Variants in OR2B11 observed in about 807,000 individuals in gnomAD.
OR2B11 encodes olfactory receptor family 2 subfamily B member 11, also known as olfactory receptor 2B11.
For synonymous variants in OR2B11, 198 were observed against 174.5 expected (o/e 1.13, Z -1.06); for missense variants, 422 against 400.0 (o/e 1.05, Z -0.47).
intron 1 of OR2B11, among the ~76,000 whole-genome samples, chr1:247,457,077 A>G (rs1467685637): frequency 6.6e-6 from 1 of 152,104 alleles, no homozygotes; most frequent in Non-Finnish European, 1.5e-5. Flanking sequence ...TATGGGAGGG[A>G]GGATACGGCT....
rs1321548229 is a variant in OR2B11 at position 247,453,856 on chromosome 1, G to C, written c.-1874C>G. ...TGTTTTCACCCCTAATTGACTGAGCGACTCGGGAGGACAGCTGGTCTACCT... is the reference window on the plus strand; with the variant it reads ...TGTTTTCACCCCTAATTGACTGAGCCACTCGGGAGGACAGCTGGTCTACCT... On this transcript the variant is annotated 5_prime_UTR_variant, in exon 2 of 2. Coordinates refer to ENST00000641149, the MANE Select transcript of OR2B11 (RefSeq NM_001004492.2). 1 of 152,178 alleles carries C rather than the reference G, an allele frequency of 6.6e-6. No homozygotes were observed. Among genetic ancestry groups the C allele is most frequent in the Non-Finnish European group, 1.5e-5 (1 of 68,042 alleles). The allele number at this position is 152,178 out of a possible 1,614,324, so 9.4% of individuals were successfully genotyped here.
Position 247,453,734 on chromosome 1 carries a change from G to T in OR2B11, c.-1752C>A, listed in dbSNP as rs4353135. On this transcript the variant is annotated 5_prime_UTR_variant, in exon 2 of 2. Transcript: ENST00000641149. ...AAGAAAGATAGAGGGGTAAATGTAT[G>T]CGGCAATTTATAATAAAGACAAGTT... The T allele has an allele frequency of 0.7, 107,060 of 152,108 alleles. 37,764 individuals are homozygous for T. The highest frequency in any genetic ancestry group is 0.78 in the African/African-American group (32,228 of 41,512). 9.4% of individuals were successfully genotyped at this position (152,108 alleles called of 1,614,324 possible).
Position 247,449,649 on chromosome 1 carries a change from G to T in OR2B11, c.*1380C>A, listed in dbSNP as rs1400057489. Reference sequence around the variant, plus strand: ...ACATTATTAAACATACCTTTTAGATGAGCTGACATTTAAAAAAAACCCTGA... The same window carrying T: ...ACATTATTAAACATACCTTTTAGATTAGCTGACATTTAAAAAAAACCCTGA... On this transcript the variant is annotated 3_prime_UTR_variant, in exon 2 of 2. Coordinates refer to ENST00000641149, the MANE Select transcript of OR2B11 (RefSeq NM_001004492.2). The T allele has an allele frequency of 6.6e-6, 1 of 152,092 alleles. No individual in the cohort carries two copies. Among genetic ancestry groups the T allele is most frequent in the East Asian group, 1.9e-4 (1 of 5,184 alleles). 9.4% of individuals were successfully genotyped at this position (152,092 alleles called of 1,614,324 possible). A position where few individuals can be genotyped will look rare whatever the true frequency, so the allele number is the denominator to read the frequency against.
At position 247,451,799 on chromosome 1, in the gene OR2B11, G is replaced by T. The variant is rs958702514; in HGVS notation, c.184C>A (p.Pro62Thr). Reference sequence around the variant, plus strand: ...AGGTGACTGAGGAAGATGTACATGGGGCTGTGGAGTTGAGGATCCACCCGG... The same window carrying T: ...AGGTGACTGAGGAAGATGTACATGGTGCTGTGGAGTTGAGGATCCACCCGG... ...ASRVDPQLHS[P>T]MYIFLSHLSF... Residue 62 changes from proline to threonine, a missense_variant, in exon 2 of 2, where the codon CCC (proline) becomes ACC (threonine). Transcript: ENST00000641149. 2 of 1,614,070 alleles carry T rather than the reference G, an allele frequency of 1.2e-6. No individual in the cohort carries two copies. The highest frequency in any genetic ancestry group is 2.7e-5 in the African/African-American group (2 of 74,924).
In OR2B11 at chr1:247,457,734, T is replaced by G. The variant is rs1664991547; in HGVS notation, c.-3178A>C. 6.6e-6 allele frequency: 1 copy of G among 152,200 alleles called. No individual in the cohort carries two copies. The highest frequency in any genetic ancestry group is 1.5e-5 in the Non-Finnish European group (1 of 68,040). The allele number at this position is 152,200 out of a possible 1,614,324, so 9.4% of individuals were successfully genotyped here. ...TTAGTCGCGGAGGGACATTTAAGGA[T>G]GGACTTACTAGAAATGCTCTTCATA... On this transcript the variant is annotated 5_prime_UTR_variant, in exon 1 of 2. Coordinates refer to ENST00000641149, the MANE Select transcript of OR2B11 (RefSeq NM_001004492.2).
rs1416021682 is a variant in OR2B11 at position 247,449,447 on chromosome 1, A to G, written c.*1582T>C. 6.6e-6 allele frequency: 1 copy of G among 152,234 alleles called. No individual in the cohort carries two copies. The highest frequency in any genetic ancestry group is 3.2e-3 in the Middle Eastern group (1 of 316). The allele number at this position is 152,234 out of a possible 1,614,324, so 9.4% of individuals were successfully genotyped here. A position where few individuals can be genotyped will look rare whatever the true frequency, so the allele number is the denominator to read the frequency against. On this transcript the variant is annotated 3_prime_UTR_variant, in exon 2 of 2. Coordinates refer to ENST00000641149, the MANE Select transcript of OR2B11 (RefSeq NM_001004492.2). ...CTTCACAGAGCATTAAGTTATAAGGAAATATTTACTAATTGCTTCTCTACA... is the reference window on the plus strand; with the variant it reads ...CTTCACAGAGCATTAAGTTATAAGGGAATATTTACTAATTGCTTCTCTACA...
chr1:247,456,241 A>C (rs578082801), intron 1 of OR2B11, among the ~76,000 whole-genome samples: 8 of 152,352 alleles, frequency 5.3e-5, no homozygotes, highest in African/African-American at 9.6e-5. Flanking sequence ...TTACTTCCTC[A>C]TAAGCCTCTG....
At position 247,453,383 on chromosome 1, in the gene OR2B11, A is replaced by G. The variant is rs1402875010; in HGVS notation, c.-1401T>C. 6.6e-6 allele frequency: 1 copy of G among 152,174 alleles called. No homozygotes were observed. The highest frequency in any genetic ancestry group is 1.9e-4 in the East Asian group (1 of 5,196). The allele number at this position is 152,174 out of a possible 1,614,324, so 9.4% of individuals were successfully genotyped here. On this transcript the variant is annotated 5_prime_UTR_variant, in exon 2 of 2. Transcript: ENST00000641149. ...TGCTTCTCTAGTTTCAAAACCACAC[A>G]CGTTTTGTCAGAAAGTTGCCAATAT...
At chr1:247,456,760 A>G (rs780827391) in intron 1 of OR2B11, among the ~76,000 whole-genome samples, 6 of 151,858 alleles carry the variant, frequency 4.0e-5, no homozygotes, top group Non-Finnish European at 8.8e-5. Context: ...TCCCTCCCCT[A>G]GCCCCCACTC....
chr1:247,451,561 T>C lies in OR2B11; in HGVS notation c.422A>G (p.His141Arg), dbSNP rs758659537. The part of the protein sequence containing the change: ...CKPLHYAVLM[H>R]RALCQQLVAL... The stretch of plus-strand genomic sequence containing the variant: ...CACGAGCTGCTGACAGAGAGCACGG[T>C]GCATGAGAACGGCATAGTGCAGGGG... Residue 141 changes from histidine (H) to arginine (R), a missense_variant, in exon 2 of 2, where the codon CAC (histidine) becomes CGC (arginine). His to Arg is a conservative substitution (Grantham distance 29, BLOSUM62 0). Coordinates refer to ENST00000641149, the MANE Select transcript of OR2B11 (RefSeq NM_001004492.2). 7 of 1,613,872 alleles carry C rather than the reference T, an allele frequency of 4.3e-6. No homozygotes were observed. Among genetic ancestry groups the C allele is most frequent in the Non-Finnish European group, 5.9e-6 (7 of 1,179,922 alleles).
At chr1:247,456,175 T>A (rs1269902241) in intron 1 of OR2B11, among the ~76,000 whole-genome samples, 1 of 152,148 alleles carries the variant, frequency 6.6e-6, no homozygotes, top group African/African-American at 2.4e-5. Flanking sequence ...GACTGGGGTA[T>A]GAGTCCACAG....
Position 247,450,943 on chromosome 1 carries a change from A to T in OR2B11, c.*86T>A, listed in dbSNP as rs1004116844. ...GGGTTTTTGAGCTCTCTGGGTATTAACTCCTTAAGTGAAAGATGCTCTGAG... is the reference window on the plus strand; with the variant it reads ...GGGTTTTTGAGCTCTCTGGGTATTATCTCCTTAAGTGAAAGATGCTCTGAG... On this transcript the variant is annotated 3_prime_UTR_variant, in exon 2 of 2. Coordinates refer to ENST00000641149, the MANE Select transcript of OR2B11 (RefSeq NM_001004492.2). The T allele has an allele frequency of 1.3e-6, 1 of 766,868 alleles. No individual in the cohort carries two copies. Among genetic ancestry groups the T allele is most frequent in the Non-Finnish European group, 2.0e-6 (1 of 511,338 alleles). 47.5% of individuals were successfully genotyped at this position (766,868 alleles called of 1,614,324 possible).
At chr1:247,457,243 G>A (rs919432515) in intron 1 of OR2B11, among the ~76,000 whole-genome samples, 1 of 151,994 alleles carries the variant, frequency 6.6e-6, no homozygotes, top group Non-Finnish European at 1.5e-5. Context: ...ATTCAGCTCT[G>A]CATTCTCTTT....
At chr1:247,455,789 TG>T (rs1435372799) in intron 1 of OR2B11, among the ~76,000 whole-genome samples, 1 of 152,190 alleles carries the variant, frequency 6.6e-6, no homozygotes, top group African/African-American at 2.4e-5. Flanking sequence ...AGGAATGTCT[TG>T]GGAATCTTAC....
At chr1:247,457,571 G>C (rs1249942269) in intron 1 of OR2B11, 68 bp downstream of exon 1, 1 of 152,174 alleles carries the variant, frequency 6.6e-6, no homozygotes, top group East Asian at 1.9e-4. Flanking sequence ...TGTTAATACT[G>C]CCCATCCTGC....
chr1:247,456,460 A>G (rs1572247253), intron 1 of OR2B11, among the ~76,000 whole-genome samples: 1 of 152,138 alleles, frequency 6.6e-6, no homozygotes. Context: ...TTTCCCTTTT[A>G]CATGCACGAC....
In OR2B11 at chr1:247,451,791, G is replaced by A; in HGVS notation, c.192C>T (p.Tyr64=). The A allele has an allele frequency of 6.2e-7, 1 of 1,614,232 alleles. No homozygotes were observed. Among genetic ancestry groups the A allele is most frequent in the Non-Finnish European group, 8.5e-7 (1 of 1,180,042 alleles). Residue 64 remains tyrosine (Y), a synonymous_variant, in exon 2 of 2, where the codon TAC becomes TAT. Transcript: ENST00000641149. ...GGAAGGACAGGTGACTGAGGAAGAT[G>A]TACATGGGGCTGTGGAGTTGAGGAT... ...RVDPQLHSPM[Y]IFLSHLSFLD...
rs555466795 is a variant in OR2B11 at position 247,452,832 on chromosome 1, C to G, written c.-850G>C. On this transcript the variant is annotated 5_prime_UTR_variant, in exon 2 of 2. Transcript: ENST00000641149. ...TGGAATTGTCTACGGAAAGATCAGA[C>G]TGCCCTCTAGGGCTAGGTTTTATCT... 13 of 152,252 alleles carry G rather than the reference C, an allele frequency of 8.5e-5. No individual in the cohort carries two copies. The highest frequency in any genetic ancestry group is 1.5e-4 in the Non-Finnish European group (10 of 68,034). 9.4% of individuals were successfully genotyped at this position (152,252 alleles called of 1,614,324 possible).
At chr1:247,455,441 G>A (rs9700400) in intron 1 of OR2B11, among the ~76,000 whole-genome samples, 113,718 of 152,088 alleles carry the variant, frequency 0.75, 42,875 homozygotes, top group East Asian at 0.94. Flanking sequence ...AATGATAGCA[G>A]TATTTTCCTG....
Sources: allele counts gnomAD v4.1 joint callset (sites outside exome capture counted in the v4.1 genomes callset), GRCh38; gene constraint gnomAD v4.1.1; transcripts MANE v1.5; gene names NCBI Gene and HGNC (gene_info 2026-07-23, HGNC 2026-07-21).